Variants in NCAM2 observed in about 807,000 individuals in gnomAD.
NCAM2 encodes the protein neural cell adhesion molecule 2.
Under a neutral mutation model 98.1 loss-of-function variants are expected in NCAM2, and 30 were observed. The ratio of observed to expected loss-of-function variants is 0.31; its 90% confidence interval spans 0.23 to 0.41. NCAM2 has a LOEUF of 0.41. Among genes scored for constraint, NCAM2 ranks in the 10% least tolerant of loss-of-function variants. The pLI, the probability that NCAM2 is intolerant of heterozygous loss-of-function variation, is 1.00. For missense variants in NCAM2, 867 were observed against 1,005.8 expected (o/e 0.86, Z 1.87); for synonymous variants, 368 against 342.4 (o/e 1.07, Z -0.83).
intron 1 of NCAM2, among the ~76,000 whole-genome samples, chr21:21,088,970 C>CAAAAAA (rs202042269): frequency 4.3e-5 from 6 of 138,816 alleles, no homozygotes; most frequent in East Asian, 2.1e-4. Context: ...AACTCTGTCT[C>CAAAAAA]AAAAAAAAAA....
chr21:21,201,844 G>A (rs918319806), intron 1 of NCAM2, among the ~76,000 whole-genome samples: 6 of 152,114 alleles, frequency 3.9e-5, no homozygotes, highest in African/African-American at 1.4e-4. Context: ...AGCATCATCT[G>A]GGGAATTTTT....
intron 14 of NCAM2, among the ~76,000 whole-genome samples, chr21:21,472,270 AC>A (rs1371549210): frequency 6.6e-6 from 1 of 151,988 alleles, no homozygotes; most frequent in African/African-American, 2.4e-5. Context: ...TCTTAATTGA[AC>A]TTCTTAAGTA....
chr21:21,398,541 T>C (rs1036620826), intron 9 of NCAM2, among the ~76,000 whole-genome samples: 1 of 152,206 alleles, frequency 6.6e-6, no homozygotes, highest in African/African-American at 2.4e-5. Flanking sequence ...TTTAAATGTA[T>C]GCAAGGTCAC....
chr21:21,452,168 CCACACA>C (rs10591491), intron 12 of NCAM2, among the ~76,000 whole-genome samples: 407 of 144,954 alleles, frequency 2.8e-3, no homozygotes, highest in African/African-American at 8.4e-3. Context: ...TGTGAACTGA[CCACACA>C]CACACACACA....
chr21:21,394,221 C>A (rs1342888925), intron 9 of NCAM2, among the ~76,000 whole-genome samples: 1 of 152,096 alleles, frequency 6.6e-6, no homozygotes, highest in Non-Finnish European at 1.5e-5. Context: ...TCCCATGGTA[C>A]ATGGACTGAA....
chr21:21,015,925 C>G (rs2064299554), intron 1 of NCAM2, among the ~76,000 whole-genome samples: 1 of 152,032 alleles, frequency 6.6e-6, no homozygotes, highest in Non-Finnish European at 1.5e-5. Flanking sequence ...GCCAGCTGGT[C>G]TTGAACTCCT....
intron 1 of NCAM2, among the ~76,000 whole-genome samples, chr21:21,016,008 G>C (rs964039283): frequency 6.6e-6 from 1 of 151,880 alleles, no homozygotes; most frequent in Admixed American, 6.6e-5. Flanking sequence ...ATGCCCAGTC[G>C]CCTGTATTTC....
chr21:21,206,392 T>G (rs1184126543), intron 1 of NCAM2, among the ~76,000 whole-genome samples: 1 of 152,156 alleles, frequency 6.6e-6, no homozygotes, highest in African/African-American at 2.4e-5. Flanking sequence ...TATGGAAGAA[T>G]ATAAAAGTAG....
At chr21:21,331,534 T>C (rs1026990616) in intron 6 of NCAM2, among the ~76,000 whole-genome samples, 4 of 10,918 alleles carry the variant, frequency 3.7e-4, no homozygotes, top group African/African-American at 6.5e-4. Context: ...TATATATATA[T>C]ACTCTATATA....
intron 15 of NCAM2, among the ~76,000 whole-genome samples, chr21:21,479,305 C>T (rs984931861): frequency 2.6e-5 from 4 of 151,952 alleles, no homozygotes; most frequent in East Asian, 3.9e-4. Context: ...AATTGTTGGC[C>T]GGGCGCGGTG....
chr21:21,097,338 A>T (rs909659666), intron 1 of NCAM2, among the ~76,000 whole-genome samples: 1 of 151,770 alleles, frequency 6.6e-6, no homozygotes, highest in African/African-American at 2.4e-5. Context: ...ATAGTAACTG[A>T]AAGTTGAAAT....
At chr21:21,082,002 C>T (rs1204742935) in intron 1 of NCAM2, among the ~76,000 whole-genome samples, 1 of 151,554 alleles carries the variant, frequency 6.6e-6, no homozygotes, top group Non-Finnish European at 1.5e-5. Flanking sequence ...CCTTGGGAGG[C>T]AGAGGCGGGT....
At chr21:21,204,709 C>G (rs535667575) in intron 1 of NCAM2, among the ~76,000 whole-genome samples, 142 of 152,234 alleles carry the variant, frequency 9.3e-4, no homozygotes, top group Non-Finnish European at 1.8e-3. Flanking sequence ...ACTGCTGATA[C>G]ATCTACTCTC....
intron 2 of NCAM2, among the ~76,000 whole-genome samples, chr21:21,283,111 G>C (rs954072469): frequency 6.6e-6 from 1 of 151,770 alleles, no homozygotes; most frequent in Non-Finnish European, 1.5e-5. Flanking sequence ...TTTATGATTT[G>C]TTTAGAAAAA....
At chr21:21,356,692 G>A (rs2826811) in intron 8 of NCAM2, among the ~76,000 whole-genome samples, 97,587 of 151,998 alleles carry the variant, frequency 0.64, 31,536 homozygotes, top group Middle Eastern at 0.73. Context: ...GGAGTGTAGC[G>A]CTAAAAATAT....
intron 1 of NCAM2, among the ~76,000 whole-genome samples, chr21:21,263,704 C>G (rs756352075): frequency 1.3e-5 from 2 of 152,052 alleles, no homozygotes. Flanking sequence ...AATATAGCCA[C>G]ACACCTACAA....
chr21:21,062,157 A>T (rs189769667), intron 1 of NCAM2, among the ~76,000 whole-genome samples: 3 of 152,292 alleles, frequency 2.0e-5, no homozygotes, highest in Admixed American at 2.0e-4. Flanking sequence ...TATCTTGAAA[A>T]AGAGAGGGTT....
intron 1 of NCAM2, among the ~76,000 whole-genome samples, chr21:21,100,802 G>A (rs2066226238): frequency 6.6e-6 from 1 of 151,990 alleles, no homozygotes; most frequent in South Asian, 2.1e-4. Flanking sequence ...GCCCATGCAA[G>A]ACCTGTACGC....
chr21:21,211,410 C>T (rs906246266), intron 1 of NCAM2, among the ~76,000 whole-genome samples: 4 of 152,096 alleles, frequency 2.6e-5, no homozygotes, highest in Admixed American at 6.5e-5. Context: ...GACTCTAGTC[C>T]GATTCAAATC....
Sources: gnomAD v4.1 joint callset for allele counts (sites outside exome capture counted in the v4.1 genomes callset) on GRCh38, gnomAD v4.1.1 for gene constraint, MANE v1.5 for transcripts, NCBI Gene and HGNC (gene_info 2026-07-23, HGNC 2026-07-21) for gene names.